The following HDAC4 variants were observed in gnomAD, a reference collection of about 807,000 sequenced individuals.
The protein encoded by HDAC4 is histone deacetylase 4, also known as histone deacetylase A.
HDAC4 carries 16 observed loss-of-function variants against 135.1 expected under a neutral mutation model. The observed-to-expected ratio is 0.12, with a 90% CI of 0.08 to 0.18. The LOEUF is 0.18. Ranked by LOEUF, HDAC4 falls within the 10% of genes least tolerant of loss-of-function variation. The pLI is 1.00. For missense variants in HDAC4, 1,143 were observed against 1,511.8 expected (o/e 0.76, Z 4.05); for synonymous variants, 685 against 653.4 (o/e 1.05, Z -0.74).
intron 12 of HDAC4, among the ~76,000 whole-genome samples, chr2:239,118,759 A>G (rs750146746): frequency 6.6e-6 from 1 of 152,136 alleles, no homozygotes; most frequent in Non-Finnish European, 1.5e-5. Context: ...CCGGGGAGAA[A>G]CAAGTTCAAC....
intron 2 of HDAC4, among the ~76,000 whole-genome samples, chr2:239,350,669 A>G (rs1191990590): frequency 6.6e-6 from 1 of 152,102 alleles, no homozygotes; most frequent in Non-Finnish European, 1.5e-5. Flanking sequence ...ACGCCCAGCT[A>G]ATTTTTGTAT....
chr2:239,145,722 A>C (rs1474355151), intron 7 of HDAC4, among the ~76,000 whole-genome samples: 1 of 152,158 alleles, frequency 6.6e-6, no homozygotes, highest in Non-Finnish European at 1.5e-5. Flanking sequence ...ACCTCTTCTT[A>C]AAGAATCAGC....
In HDAC4 at chr2:239,179,318, C is replaced by T. The variant is rs1321128701; in HGVS notation, c.340-2755G>A. Among the ~76,000 whole-genome samples, 5 of 152,242 alleles carry T rather than the reference C, an allele frequency of 3.3e-5. No homozygotes were observed. In the East Asian group the frequency reaches 9.6e-4, roughly 29 times the overall value. ...GGCCGTGGACGGGTAGCAGCAGTCC[C>T]TGGCCTGTTAGGAAATGGGCCACAA... On this transcript the variant is annotated intron_variant, in intron 4 of 26. Coordinates refer to ENST00000543185, the MANE Select transcript of HDAC4 (RefSeq NM_001378414.1).
intron 24 of HDAC4, among the ~76,000 whole-genome samples, chr2:239,058,795 T>G (rs1413309540): frequency 6.6e-6 from 1 of 152,258 alleles, no homozygotes; most frequent in East Asian, 1.9e-4. Context: ...TTGCCATGTC[T>G]TTCTCAGATC....
intron 15 of HDAC4, among the ~76,000 whole-genome samples, chr2:239,104,102 C>T (rs1054995921): frequency 1.3e-5 from 2 of 152,254 alleles, no homozygotes; most frequent in African/African-American, 4.8e-5. Flanking sequence ...TCCACATAAC[C>T]TAGTGCTGCT....
chr2:239,288,153 T>C (rs1216744489), intron 2 of HDAC4, among the ~76,000 whole-genome samples: 1 of 151,472 alleles, frequency 6.6e-6, no homozygotes, highest in Non-Finnish European at 1.5e-5. Flanking sequence ...GCTAGCAAAG[T>C]ATGAAAATGA....
chr2:239,198,531 T>C (rs546609458), intron 3 of HDAC4, among the ~76,000 whole-genome samples: 38 of 152,166 alleles, frequency 2.5e-4, no homozygotes, highest in Non-Finnish European at 4.9e-4. Flanking sequence ...ACCCACATCC[T>C]CAGCTTGCTC....
intron 14 of HDAC4, 77 bp from the exon 15 acceptor site, chr2:239,108,260 G>A (rs1001866977): frequency 3.3e-6 from 5 of 1,526,972 alleles, no homozygotes; most frequent in African/African-American, 2.7e-5. Context: ...CTGCCCCCGG[G>A]TGGTGGCGGA....
chr2:239,231,035 G>A (rs749385209), intron 3 of HDAC4, among the ~76,000 whole-genome samples: 2 of 152,194 alleles, frequency 1.3e-5, no homozygotes, highest in South Asian at 2.1e-4. Flanking sequence ...GGAATCCAAC[G>A]CTGAAGCCAA....
At chr2:239,249,186 AG>A (rs1371213289) in intron 2 of HDAC4, among the ~76,000 whole-genome samples, 6 of 152,214 alleles carry the variant, frequency 3.9e-5, no homozygotes, top group African/African-American at 9.6e-5. Flanking sequence ...AGCAAGGGCA[AG>A]GCCTGGGAGG....
rs2035160970 is a variant in HDAC4, at chr2:239,080,106, ACAG to A, written c.2750+986_2750+988del. ...CACCCACCCACACAGACACACACAC[ACAG>A]ATGAACACCGACCCACACAAACACA... is the stretch of plus-strand genomic sequence containing the variant. On this transcript the variant is annotated intron_variant, in intron 22 of 26. Coordinates refer to ENST00000543185, the MANE Select transcript of HDAC4 (RefSeq NM_001378414.1). 2.6e-5 allele frequency among the ~76,000 whole-genome samples: 4 copies of A among 152,088 alleles called. No individual in the cohort carries two copies. In the South Asian group the frequency reaches 6.2e-4, roughly 24 times the overall value.
intron 14 of HDAC4, among the ~76,000 whole-genome samples, chr2:239,108,462 C>T (rs775992586): frequency 1.4e-4 from 21 of 152,192 alleles, no homozygotes; most frequent in African/African-American, 5.1e-4. Flanking sequence ...GCGCAGCTGC[C>T]CTGCTGCAGC....
chr2:239,365,399 CT>C (rs1694125130), intron 1 of HDAC4, among the ~76,000 whole-genome samples: 1 of 152,236 alleles, frequency 6.6e-6, no homozygotes, highest in Non-Finnish European at 1.5e-5. Context: ...AATCCACAGG[CT>C]TATGCTGAAC....
intron 2 of HDAC4, among the ~76,000 whole-genome samples, chr2:239,248,489 G>A (rs1014392715): frequency 1.1e-4 from 16 of 152,004 alleles, no homozygotes; most frequent in Non-Finnish European, 1.5e-4. Context: ...CACCTCTAGC[G>A]CTTTTTAGGA....
At chr2:239,310,735 A>C (rs2052834460) in intron 2 of HDAC4, among the ~76,000 whole-genome samples, 1 of 152,214 alleles carries the variant, frequency 6.6e-6, no homozygotes, top group Non-Finnish European at 1.5e-5. Context: ...AAGCAGACCC[A>C]AAACTGGGTC....
At chr2:239,192,426 T>C (rs1275461810) in intron 3 of HDAC4, among the ~76,000 whole-genome samples, 3 of 152,228 alleles carry the variant, frequency 2.0e-5, no homozygotes, top group Non-Finnish European at 4.4e-5. Context: ...TTATGAAACA[T>C]CAGCGTTCAC....
rs151313277 is a variant in HDAC4, at chr2:239,305,881, C to T, written c.22+46797G>A. On this transcript the variant is annotated intron_variant, in intron 2 of 26. Transcript: ENST00000543185. ...TAAACACGACTGGGAACGAGGCTGCCGCTGCCCACACGGGCCCTGAATCTG... is the reference window on the plus strand; with the variant it reads ...TAAACACGACTGGGAACGAGGCTGCTGCTGCCCACACGGGCCCTGAATCTG... Among the ~76,000 whole-genome samples, 879 of 152,316 alleles carry T rather than the reference C, an allele frequency of 5.8e-3. 1 individual carries two copies. Among genetic ancestry groups the T allele is most frequent in the Non-Finnish European group, 1.0e-2 (677 of 68,022 alleles).
At chr2:239,272,253 C>T (rs1001830576) in intron 2 of HDAC4, among the ~76,000 whole-genome samples, 1 of 152,130 alleles carries the variant, frequency 6.6e-6, no homozygotes, top group Non-Finnish European at 1.5e-5. Flanking sequence ...CAATCCAATC[C>T]GAGTTCAATA....
chr2:239,096,876 C>T lies in HDAC4; in HGVS notation c.2234-1820G>A, dbSNP rs574705627. 9.2e-5 allele frequency among the ~76,000 whole-genome samples: 14 copies of T among 152,202 alleles called. No homozygotes were observed. The East Asian group carries it at 2.1e-3, about 23-fold the overall frequency. On this transcript the variant is annotated intron_variant, in intron 16 of 26. Coordinates refer to ENST00000543185, the MANE Select transcript of HDAC4 (RefSeq NM_001378414.1). ...GGAGGTCACAGATCTGCATCAAGGC[C>T]GGAGGCTTGTAGAATGGCCACGTCC...
Sources: allele counts gnomAD v4.1 joint callset (sites outside exome capture counted in the v4.1 genomes callset), GRCh38; gene constraint gnomAD v4.1.1; transcripts MANE v1.5; gene names NCBI Gene and HGNC (gene_info 2026-07-23, HGNC 2026-07-21).